The following PDE4A variants were observed in gnomAD, a reference collection of about 807,000 sequenced individuals.
The protein encoded by PDE4A is 3',5'-cyclic-AMP phosphodiesterase 4A.
A neutral mutation model predicts 73.9 loss-of-function variants in PDE4A; 21 were observed. The observed-to-expected ratio is 0.28, with a 90% CI of 0.20 to 0.41. The LOEUF (loss-of-function observed/expected upper bound fraction) is 0.41. Ranked by LOEUF, PDE4A falls within the 10% of genes least tolerant of loss-of-function variation. The pLI is 1.00. For synonymous variants in PDE4A, 463 were observed against 505.4 expected (o/e 0.92, Z 1.13); for missense variants, 958 against 1,211.4 (o/e 0.79, Z 3.10).
chr19:10,418,192 C>T (rs1395360579), upstream of PDE4A, among the ~76,000 whole-genome samples: 2 of 152,182 alleles, frequency 1.3e-5, no homozygotes, highest in Admixed American at 6.5e-5. Flanking sequence ...TTTCATGTCC[C>T]CGCCTGGGAG....
At chr19:10,425,935 C>G (rs549650923) in intron 1 of PDE4A, among the ~76,000 whole-genome samples, 3 of 127,690 alleles carry the variant, frequency 2.3e-5, no homozygotes, top group South Asian at 5.2e-4. Flanking sequence ...TGCGGTGAGC[C>G]GAGATTGGGC....
chr19:10,449,294 G>A, intron 4 of PDE4A, 144 bp downstream of exon 4: 1 of 817,904 alleles, frequency 1.2e-6, no homozygotes, highest in East Asian at 2.7e-5. Flanking sequence ...AAGCCAGAGA[G>A]CCATTGCAGG....
chr19:10,445,174 G>A (rs890379978), intron 1 of PDE4A, among the ~76,000 whole-genome samples: 6 of 152,174 alleles, frequency 3.9e-5, no homozygotes, highest in African/African-American at 9.7e-5. Flanking sequence ...AGCTCGCCCT[G>A]GTGGCCACTG....
chr19:10,420,517 A>C, upstream of PDE4A: 36 of 1,047,738 alleles, frequency 3.4e-5, no homozygotes, highest in East Asian at 5.3e-5. The surrounding 1 kb of genome is among the most constrained non-coding windows in gnomAD (Gnocchi z 6.0). Flanking sequence ...GGGCCGCGGA[A>C]CGCGGAGCGC....
chr19:10,467,461 C>G lies in PDE4A; in HGVS notation c.2501C>G (p.Pro834Arg), dbSNP rs763024239. The change falls in exon 15 of 15, where the codon CCG (proline) becomes CGG (arginine). Residue 834 changes from proline (P) to arginine (R), a missense_variant. Transcript: ENST00000380702. ...WRTLSVSEHA[P>R]GLPGLPSTAA... ...ACCCTGTCTGTTTCAGAGCATGCCC[C>G]GGGCCTCCCGGGCCTCCCCTCCACG... 1.2e-5 allele frequency: 20 copies of G among 1,612,946 alleles called. No individual in the cohort carries two copies. The highest frequency in any genetic ancestry group is 1.6e-5 in the Non-Finnish European group (19 of 1,179,732).
intron 7 of PDE4A, among the ~76,000 whole-genome samples, chr19:10,456,349 A>G: frequency 6.6e-6 from 1 of 152,070 alleles, no homozygotes; most frequent in East Asian, 1.9e-4. Flanking sequence ...AACATGGTGA[A>G]ACGCCATCTC....
In PDE4A at chr19:10,466,928, C is replaced by G. The variant is rs371075423; in HGVS notation, c.1968C>G (p.Thr656=). ...IDYIVHPLWE[T]WADLVHPDAQ... ...ACATTGTGCACCCATTGTGGGAGACCTGGGCGGACCTTGTCCACCCAGATG... is the reference window on the plus strand; with the variant it reads ...ACATTGTGCACCCATTGTGGGAGACGTGGGCGGACCTTGTCCACCCAGATG... Residue 656 remains threonine, a synonymous_variant, in exon 15 of 15, where the codon ACC becomes ACG. Coordinates refer to ENST00000380702, the MANE Select transcript of PDE4A (RefSeq NM_001111307.2). 5.0e-6 allele frequency: 8 copies of G among 1,614,120 alleles called. No individual in the cohort carries two copies. Among genetic ancestry groups the G allele is most frequent in the Non-Finnish European group, 6.8e-6 (8 of 1,180,020 alleles).
chr19:10,416,929 G>T (rs775300678), upstream of PDE4A: 4 of 1,540,464 alleles, frequency 2.6e-6, no homozygotes, highest in South Asian at 3.6e-5. Context: ...CCAACGGCGC[G>T]CTAGGTTGGC....
At position 10,446,590 on chromosome 19, in the gene PDE4A, TTTTTTTTC is replaced by T. The variant is rs1381467030; in HGVS notation, c.512+196_512+203del. On this transcript the variant is annotated intron_variant, in intron 2 of 14. Coordinates refer to ENST00000380702, the MANE Select transcript of PDE4A (RefSeq NM_001111307.2). ...TATAAAGGGCTCAGTTCCTTTTTTTTTTTTTTTCTTTTTTTCTTTTTTGAGACGGAGTC... is the reference window on the plus strand; with the variant it reads ...TATAAAGGGCTCAGTTCCTTTTTTTTTTTTTTTCTTTTTTGAGACGGAGTC... 7.9e-5 allele frequency among the ~76,000 whole-genome samples: 12 copies of T among 151,604 alleles called. No homozygotes were observed. In the South Asian group the frequency reaches 1.0e-3, roughly 13 times the overall value.
At chr19:10,462,827 TCCCC>T (rs1206363813) in intron 13 of PDE4A, among the ~76,000 whole-genome samples, 1 of 151,872 alleles carries the variant, frequency 6.6e-6, no homozygotes, top group Non-Finnish European at 1.5e-5. Context: ...CACACACCTC[TCCCC>T]GTTACCTCCT....
intron 1 of PDE4A, chr19:10,421,436 A>C: frequency 2.9e-6 from 2 of 693,964 alleles, no homozygotes; most frequent in Non-Finnish European, 3.6e-6. Flanking sequence ...TCCTGGGGGC[A>C]CTATACTGAG....
chr19:10,460,146 G>T (rs1328092277), intron 10 of PDE4A, among the ~76,000 whole-genome samples: 1 of 151,190 alleles, frequency 6.6e-6, no homozygotes, highest in Non-Finnish European at 1.5e-5. Flanking sequence ...GCCTCCCAAA[G>T]TGCTGGGAGT....
At chr19:10,433,019 G>T (rs556302950) in intron 1 of PDE4A, among the ~76,000 whole-genome samples, 3 of 152,282 alleles carry the variant, frequency 2.0e-5, no homozygotes, top group Admixed American at 2.0e-4. Context: ...GTTGGGGGTG[G>T]GGAGGGGAGA....
At chr19:10,439,884 C>A (rs1371111724) in intron 1 of PDE4A, among the ~76,000 whole-genome samples, 1 of 152,054 alleles carries the variant, frequency 6.6e-6, no homozygotes, top group Admixed American at 6.6e-5. Flanking sequence ...CCCAAAATAC[C>A]CTCCTTGGCA....
At chr19:10,429,549 G>C (rs1473518502) in intron 1 of PDE4A, among the ~76,000 whole-genome samples, 1 of 152,072 alleles carries the variant, frequency 6.6e-6, no homozygotes, top group Non-Finnish European at 1.5e-5. Context: ...TGTCACCTGG[G>C]CTGGTCTCGA....
intron 6 of PDE4A, among the ~76,000 whole-genome samples, chr19:10,451,261 G>T (rs539402989): frequency 1.3e-5 from 2 of 152,102 alleles, no homozygotes; most frequent in South Asian, 2.1e-4. Flanking sequence ...GTCCCTGGGT[G>T]GGGCCAACCC....
At chr19:10,446,886 G>T (rs1401879937) in intron 2 of PDE4A, among the ~76,000 whole-genome samples, 1 of 151,534 alleles carries the variant, frequency 6.6e-6, no homozygotes, top group African/African-American at 2.4e-5. Context: ...GAGCCACCGC[G>T]CCTGGCCTCA....
At chr19:10,432,299 C>A in intron 1 of PDE4A, 2 of 1,196,826 alleles carry the variant, frequency 1.7e-6, no homozygotes, top group South Asian at 3.1e-5. Flanking sequence ...CCGGGGCTGT[C>A]CCTGGGGGGG....
Position 10,448,883 on chromosome 19 carries a change from C to A in PDE4A, c.513-34C>A, listed in dbSNP as rs200887540. On this transcript the variant is annotated intron_variant, in intron 2 of 14. Transcript: ENST00000380702. Reference sequence around the variant, plus strand: ...TCTACCCCAGACAGTTGCTTCTCTGCGGACCCCTGACCTGCCTCTGTCCTC... The same window carrying A: ...TCTACCCCAGACAGTTGCTTCTCTGAGGACCCCTGACCTGCCTCTGTCCTC... 2.5e-6 allele frequency: 4 copies of A among 1,613,036 alleles called. No homozygotes were observed. The East Asian group carries it at 6.7e-5, about 27-fold the overall frequency.
Sources: allele counts gnomAD v4.1 joint callset (sites outside exome capture counted in the v4.1 genomes callset), GRCh38; gene constraint gnomAD v4.1.1; non-coding constraint Gnocchi (gnomAD v3.1); transcripts MANE v1.5; gene names NCBI Gene and HGNC (gene_info 2026-07-23, HGNC 2026-07-21).